LAMA2: variants seen among roughly 807,000 people sequenced by gnomAD.
LAMA2 encodes the protein laminin subunit alpha 2.
A neutral mutation model predicts 364.8 loss-of-function variants in LAMA2; 269 were observed. That is an observed-to-expected ratio of 0.74 (90% CI 0.67 to 0.82). The LOEUF (loss-of-function observed/expected upper bound fraction) is 0.82, where lower values mean the gene tolerates loss of function less well. LAMA2 is among the 40% of genes least tolerant of loss of function. The probability of loss-of-function intolerance (pLI) is 0.00; values close to 1 mark genes in which losing one functional copy is unlikely to be tolerated. For synonymous variants in LAMA2, 1,379 were observed against 1,370.6 expected (o/e 1.01, Z -0.14); for missense variants, 3,807 against 3,873.2 (o/e 0.98, Z 0.45).
rs560789531 is a variant in LAMA2, at chr6:129,296,576, CTT to C, written c.2857-1108_2857-1107del. 1.2e-4 allele frequency among the ~76,000 whole-genome samples: 19 copies of C among 152,018 alleles called. No homozygotes were observed. The South Asian group carries it at 3.9e-3, about 32-fold the overall frequency. On this transcript the variant is annotated intron_variant, in intron 20 of 64. Transcript: ENST00000421865. Reference sequence around the variant, plus strand: ...TTTCAGTGTGATTTCACTTTTATAACTTATTTTTAAAACTACTAACAATAATA... The same window carrying C: ...TTTCAGTGTGATTTCACTTTTATAACATTTTTAAAACTACTAACAATAATA...
chr6:129,272,973 C>T (rs1335052033), intron 17 of LAMA2, among the ~76,000 whole-genome samples: 1 of 152,110 alleles, frequency 6.6e-6, no homozygotes, highest in East Asian at 1.9e-4. Context: ...TTTTGGGGAC[C>T]ACTGGTTAAT....
intron 1 of LAMA2, among the ~76,000 whole-genome samples, chr6:128,942,659 A>T (rs1270654712): frequency 6.6e-6 from 1 of 152,208 alleles, no homozygotes; most frequent in Non-Finnish European, 1.5e-5. Flanking sequence ...ATAAAAAAAA[A>T]AGTTTAGCTG....
At chr6:129,178,051 C>A (rs986292994) in intron 10 of LAMA2, among the ~76,000 whole-genome samples, 185 bp downstream of exon 10, 1 of 152,100 alleles carries the variant, frequency 6.6e-6, no homozygotes, top group Admixed American at 6.5e-5. Context: ...TATCTAAAAG[C>A]CTACAAATGC....
intron 3 of LAMA2, among the ~76,000 whole-genome samples, chr6:129,067,683 T>G (rs1221570075): frequency 1.3e-5 from 2 of 152,180 alleles, no homozygotes. Context: ...TCCTCACCTC[T>G]TTTCATCTCT....
intron 1 of LAMA2, among the ~76,000 whole-genome samples, chr6:128,946,068 T>C (rs1419173448): frequency 6.6e-6 from 1 of 152,170 alleles, no homozygotes; most frequent in Non-Finnish European, 1.5e-5. Context: ...AGAGCAGCAC[T>C]GGATTGATAA....
At chr6:129,078,114 C>T (rs1020966037) in intron 3 of LAMA2, among the ~76,000 whole-genome samples, 30 of 144,226 alleles carry the variant, frequency 2.1e-4, no homozygotes, top group African/African-American at 6.5e-4. Flanking sequence ...GGGCAGTGAG[C>T]GTATGGGAAA....
chr6:128,915,804 A>G (rs1778275862), intron 1 of LAMA2, among the ~76,000 whole-genome samples: 1 of 152,194 alleles, frequency 6.6e-6, no homozygotes, highest in Non-Finnish European at 1.5e-5. Flanking sequence ...AGGCTACAGT[A>G]TAAAATCCAA....
chr6:129,013,008 C>G (rs1784856012), intron 1 of LAMA2, among the ~76,000 whole-genome samples: 1 of 152,210 alleles, frequency 6.6e-6, no homozygotes, highest in Non-Finnish European at 1.5e-5. Flanking sequence ...CACCATCAGG[C>G]TATGTTATGA....
chr6:129,224,666 G>A (rs1784123798), intron 12 of LAMA2, among the ~76,000 whole-genome samples: 1 of 152,182 alleles, frequency 6.6e-6, no homozygotes, highest in Non-Finnish European at 1.5e-5. Context: ...AACCAGCCTT[G>A]CATCCCGTGG....
In LAMA2 at chr6:129,321,891, G is replaced by A. The variant is rs9483008; in HGVS notation, c.4176+1236G>A. ...GGACATGGCATCATGAAAAGAAAAAGGAATTTGGTTTCAGTGAATCCTACC... is the reference window on the plus strand; with the variant it reads ...GGACATGGCATCATGAAAAGAAAAAAGAATTTGGTTTCAGTGAATCCTACC... On this transcript the variant is annotated intron_variant, in intron 28 of 64. Transcript: ENST00000421865. Among the ~76,000 whole-genome samples, 1,360 of 152,210 alleles carry A rather than the reference G, an allele frequency of 8.9e-3. 22 individuals are homozygous for A. Among genetic ancestry groups the A allele is most frequent in the African/African-American group, 0.032 (1,309 of 41,528 alleles).
At chr6:129,019,927 G>T (rs114081791) in intron 1 of LAMA2, among the ~76,000 whole-genome samples, 1 of 151,768 alleles carries the variant, frequency 6.6e-6, no homozygotes, top group South Asian at 2.1e-4. Flanking sequence ...TCTACTAAAA[G>T]TACCAAAATC....
intron 12 of LAMA2, among the ~76,000 whole-genome samples, chr6:129,212,059 A>G (rs1008628145): frequency 6.6e-6 from 1 of 152,204 alleles, no homozygotes; most frequent in Non-Finnish European, 1.5e-5. Context: ...AAAGTGTTGG[A>G]TTTAAGTTCC....
chr6:129,311,185 G>C (rs34874182), intron 22 of LAMA2, among the ~76,000 whole-genome samples: 1 of 151,688 alleles, frequency 6.6e-6, no homozygotes, highest in Non-Finnish European at 1.5e-5. Flanking sequence ...GCAGTGGCGC[G>C]ATCTCGGCTC....
chr6:128,930,338 G>T (rs1376639448), intron 1 of LAMA2, among the ~76,000 whole-genome samples: 1 of 152,186 alleles, frequency 6.6e-6, no homozygotes, highest in Non-Finnish European at 1.5e-5. Flanking sequence ...AGATATTGCA[G>T]TTATTCTCCT....
intron 1 of LAMA2, among the ~76,000 whole-genome samples, chr6:129,012,895 T>C (rs183931858): frequency 1.5e-3 from 229 of 152,244 alleles, no homozygotes; most frequent in African/African-American, 5.3e-3. Flanking sequence ...TTGTCTTAAA[T>C]AGGGAGATGC....
intron 42 of LAMA2, 98 bp from the exon 43 acceptor site, chr6:129,440,718 C>A: frequency 9.5e-7 from 1 of 1,057,664 alleles, no homozygotes; most frequent in Non-Finnish European, 1.5e-6. Context: ...GTAAATGTGT[C>A]CGAGGTCAGC....
At chr6:129,235,162 G>A (rs1233235839) in intron 12 of LAMA2, among the ~76,000 whole-genome samples, 3 of 152,136 alleles carry the variant, frequency 2.0e-5, no homozygotes, top group Non-Finnish European at 4.4e-5. Context: ...CAGGGGCCAA[G>A]GGGCTTAGAA....
At chr6:129,093,841 C>A (rs999788345) in intron 3 of LAMA2, among the ~76,000 whole-genome samples, 2 of 152,008 alleles carry the variant, frequency 1.3e-5, no homozygotes, top group African/African-American at 4.8e-5. Context: ...TAACAAGTGC[C>A]CTTCAACAGA....
chr6:129,139,441 C>T (rs1343901759), intron 4 of LAMA2, among the ~76,000 whole-genome samples: 1 of 152,034 alleles, frequency 6.6e-6, no homozygotes, highest in Admixed American at 6.6e-5. Context: ...ATTTACATAG[C>T]CTTTACATTG....
Sources: allele counts gnomAD v4.1 joint callset (sites outside exome capture counted in the v4.1 genomes callset), GRCh38; gene constraint gnomAD v4.1.1; transcripts MANE v1.5; gene names NCBI Gene and HGNC (gene_info 2026-07-23, HGNC 2026-07-21).